Variants in SORCS3 observed in about 807,000 individuals in gnomAD.
SORCS3 encodes VPS10 domain-containing receptor SorCS3.
SORCS3 carries 57 observed loss-of-function variants against 146.3 expected under a neutral mutation model. That is an observed-to-expected ratio of 0.39 (90% CI 0.31 to 0.49). The LOEUF is 0.49. Ranked by LOEUF, SORCS3 falls within the 20% of genes least tolerant of loss-of-function variation. SORCS3 has a pLI of 0.92. For synonymous variants in SORCS3, 653 were observed against 618.5 expected, an observed-to-expected ratio of 1.06 and a Z score of -0.83; for missense variants, 1,341 against 1,575.5, an observed-to-expected ratio of 0.85 and a Z score of 2.52.
At chr10:104,943,673 A>G (rs61330835) in intron 3 of SORCS3, among the ~76,000 whole-genome samples, 1 of 152,166 alleles carries the variant, frequency 6.6e-6, no homozygotes, top group East Asian at 1.9e-4. Context: ...AACAATCTCA[A>G]TGGAAATTCT....
intron 1 of SORCS3, among the ~76,000 whole-genome samples, chr10:104,813,613 C>T (rs1015346531): frequency 6.6e-5 from 10 of 152,160 alleles, no homozygotes. Flanking sequence ...CTCTGCTCTA[C>T]AGCGTTGGGT....
At chr10:105,129,998 G>C (rs1278953854) in intron 7 of SORCS3, among the ~76,000 whole-genome samples, 1 of 152,140 alleles carries the variant, frequency 6.6e-6, no homozygotes, top group East Asian at 1.9e-4. Context: ...GTCTCCAGAA[G>C]ACCTCTAAGA....
chr10:104,896,748 A>G (rs1464185636), intron 2 of SORCS3, among the ~76,000 whole-genome samples: 2 of 152,248 alleles, frequency 1.3e-5, no homozygotes, highest in Non-Finnish European at 2.9e-5. Flanking sequence ...AATAAGGTGA[A>G]CTCAAAGTTT....
At chr10:104,862,082 A>G (rs2018409933) in intron 2 of SORCS3, among the ~76,000 whole-genome samples, 1 of 152,236 alleles carries the variant, frequency 6.6e-6, no homozygotes. Flanking sequence ...ATAAGGTCAC[A>G]TTCTGAGGTC....
chr10:104,839,908 A>T (rs551743056), intron 1 of SORCS3, among the ~76,000 whole-genome samples: 1 of 152,300 alleles, frequency 6.6e-6, no homozygotes, highest in Non-Finnish European at 1.5e-5. Context: ...GAAGGAAGAC[A>T]GGCAGGTAGG....
intron 4 of SORCS3, among the ~76,000 whole-genome samples, chr10:105,011,894 T>C (rs1342979922): frequency 6.6e-6 from 1 of 152,178 alleles, no homozygotes. Context: ...TTAAAAGTTA[T>C]AGCATTTATT....
intron 2 of SORCS3, among the ~76,000 whole-genome samples, chr10:104,882,753 T>G (rs2018643924): frequency 6.6e-6 from 1 of 152,126 alleles, no homozygotes; most frequent in Non-Finnish European, 1.5e-5. Flanking sequence ...CTTATTCCCA[T>G]CTCCCCACCC....
chr10:104,763,685 T>A (rs1302829690), intron 1 of SORCS3, among the ~76,000 whole-genome samples: 1 of 152,198 alleles, frequency 6.6e-6, no homozygotes, highest in African/African-American at 2.4e-5. Flanking sequence ...TTAGACCATA[T>A]TTTTTCAAAG....
intron 1 of SORCS3, among the ~76,000 whole-genome samples, chr10:104,729,201 A>G (rs1433278057): frequency 3.3e-5 from 5 of 152,232 alleles, no homozygotes; most frequent in African/African-American, 7.2e-5. Context: ...ATAAACAAGA[A>G]GCACATGTTG....
At chr10:105,021,980 A>G (rs891450523) in intron 4 of SORCS3, among the ~76,000 whole-genome samples, 2 of 152,184 alleles carry the variant, frequency 1.3e-5, no homozygotes, top group African/African-American at 2.4e-5. Context: ...TCCAACTATG[A>G]CATTTTGGAA....
intron 6 of SORCS3, among the ~76,000 whole-genome samples, chr10:105,102,480 A>G (rs1480103602): frequency 1.3e-5 from 2 of 152,210 alleles, no homozygotes; most frequent in Admixed American, 1.3e-4. Context: ...CTAAACATTG[A>G]GTACATACAG....
At chr10:104,810,647 A>G (rs1032667257) in intron 1 of SORCS3, among the ~76,000 whole-genome samples, 1 of 152,198 alleles carries the variant, frequency 6.6e-6, no homozygotes, top group South Asian at 2.1e-4. Context: ...TCTGCTGTAC[A>G]TAGTCTTAGA....
intron 1 of SORCS3, among the ~76,000 whole-genome samples, chr10:104,662,081 T>TC (rs1223199469): frequency 6.6e-6 from 1 of 152,148 alleles, no homozygotes; most frequent in African/African-American, 2.4e-5. Flanking sequence ...ATTATCAAGC[T>TC]CACATGGCTA....
At chr10:104,666,497 C>A (rs1212296834) in intron 1 of SORCS3, among the ~76,000 whole-genome samples, 1 of 152,194 alleles carries the variant, frequency 6.6e-6, no homozygotes, top group Non-Finnish European at 1.5e-5. Context: ...AGGAATAAAC[C>A]TTATCTAGCA....
intron 4 of SORCS3, among the ~76,000 whole-genome samples, chr10:105,002,904 C>T (rs1184418318): frequency 3.3e-5 from 5 of 152,296 alleles, no homozygotes; most frequent in Non-Finnish European, 5.9e-5. Context: ...ATAGAGTACT[C>T]GCTGTGTTCC....
chr10:104,644,225 G>T (rs1004985184), intron 1 of SORCS3, among the ~76,000 whole-genome samples: 1 of 152,240 alleles, frequency 6.6e-6, no homozygotes, highest in Non-Finnish European at 1.5e-5. Flanking sequence ...CAGCCTTACT[G>T]CCCATGCAAG....
At chr10:104,988,151 G>A (rs1203847277) in intron 4 of SORCS3, among the ~76,000 whole-genome samples, 1 of 152,278 alleles carries the variant, frequency 6.6e-6, no homozygotes, top group East Asian at 1.9e-4. Flanking sequence ...AGGTCACACA[G>A]CCAGTGAGGG....
intron 7 of SORCS3, among the ~76,000 whole-genome samples, chr10:105,114,812 T>A (rs1350667694): frequency 6.6e-6 from 1 of 152,130 alleles, no homozygotes; most frequent in East Asian, 1.9e-4. Context: ...AGAAACCTTA[T>A]GTAACAAGGA....
chr10:104,702,961 T>G (rs2016298044), intron 1 of SORCS3, among the ~76,000 whole-genome samples: 1 of 152,174 alleles, frequency 6.6e-6, no homozygotes, highest in African/African-American at 2.4e-5. Flanking sequence ...ATTGGAGAAA[T>G]AATGGCAAAC....
Sources: allele counts gnomAD v4.1 joint callset (sites outside exome capture counted in the v4.1 genomes callset), GRCh38; gene constraint gnomAD v4.1.1; transcripts MANE v1.5; gene names NCBI Gene and HGNC (gene_info 2026-07-23, HGNC 2026-07-21).